Variants in PRR16 observed in about 807,000 individuals in gnomAD.
The protein encoded by PRR16 is protein Largen.
PRR16 carries 6 observed loss-of-function variants against 18.2 expected under a neutral mutation model. The ratio of observed to expected loss-of-function variants is 0.33; its 90% CI spans 0.18 to 0.65. The LOEUF is 0.65. Ranked by LOEUF, PRR16 falls within the 30% of genes least tolerant of loss-of-function variation. The pLI is 0.74. For missense variants in PRR16, 412 were observed against 376.6 expected (o/e 1.09, Z -0.78); for synonymous variants, 151 against 147.8 (o/e 1.02, Z -0.16).
intron 1 of PRR16, among the ~76,000 whole-genome samples, chr5:120,597,707 A>G (rs1753858000): frequency 6.6e-6 from 1 of 151,760 alleles, no homozygotes; most frequent in South Asian, 2.1e-4. Context: ...TTCTGTAACT[A>G]TAGTGTCTGG....
the PRR16 span, among the ~76,000 whole-genome samples, chr5:120,706,316 T>TTTCA: frequency 7.7e-6 from 1 of 130,234 alleles, no homozygotes; most frequent in Non-Finnish European, 1.6e-5. Flanking sequence ...TCTTGATTTT[T>TTTCA]GTCAGTTTGA....
At chr5:120,621,687 G>A (rs775321715) in intron 1 of PRR16, among the ~76,000 whole-genome samples, 2 of 152,088 alleles carry the variant, frequency 1.3e-5, no homozygotes, top group African/African-American at 2.4e-5. Flanking sequence ...ATCTGATGGT[G>A]TTGTAAGGGG....
intron 1 of PRR16, among the ~76,000 whole-genome samples, chr5:120,540,243 A>G (rs923882822): frequency 6.6e-6 from 1 of 152,312 alleles, no homozygotes; most frequent in African/African-American, 2.4e-5. Context: ...AATTCTCAGC[A>G]GGGCAATTGC....
intron 1 of PRR16, among the ~76,000 whole-genome samples, chr5:120,663,475 A>T (rs1756247423): frequency 6.6e-6 from 1 of 152,130 alleles, no homozygotes; most frequent in Non-Finnish European, 1.5e-5. Context: ...ATTATAAGTC[A>T]TTTTATTTCC....
At chr5:120,657,361 TCA>T (rs1756017732) in intron 1 of PRR16, among the ~76,000 whole-genome samples, 1 of 151,836 alleles carries the variant, frequency 6.6e-6, no homozygotes, top group Non-Finnish European at 1.5e-5. Context: ...TTGAGCCAGC[TCA>T]TAGGGGGCTT....
intron 1 of PRR16, among the ~76,000 whole-genome samples, chr5:120,656,276 G>A (rs546930455): frequency 6.6e-5 from 10 of 151,886 alleles, no homozygotes; most frequent in African/African-American, 7.2e-5. Context: ...TAGTTAGCTT[G>A]TATAGCTAAC....
At position 120,668,584 on chromosome 5, in the gene PRR16, A is replaced by G. The variant is rs548649260; in HGVS notation, c.160-17370A>G. ...TTACATTTTGGCATGATTTTGCAGCAGCTGGTACCGGTTGTTCCTTTCCAT... is the reference window on the plus strand; with the variant it reads ...TTACATTTTGGCATGATTTTGCAGCGGCTGGTACCGGTTGTTCCTTTCCAT... On this transcript the variant is annotated intron_variant, in intron 1 of 1. Transcript: ENST00000407149. 2.3e-3 allele frequency among the ~76,000 whole-genome samples: 352 copies of G among 152,230 alleles called. 2 individuals are homozygous for G. Among genetic ancestry groups the G allele is most frequent in the African/African-American group, 8.0e-3 (331 of 41,548 alleles).
At chr5:120,716,716 A>C in the PRR16 span, among the ~76,000 whole-genome samples, 10 of 152,028 alleles carry the variant, frequency 6.6e-5, no homozygotes, top group Admixed American at 1.3e-4. Context: ...CTCTTCTAAA[A>C]ATACAAAAAT....
the PRR16 span, among the ~76,000 whole-genome samples, chr5:120,753,821 TTTATATATAATATATATAACTTATATA>T: frequency 7.2e-6 from 1 of 138,050 alleles, no homozygotes; most frequent in Non-Finnish European, 1.5e-5. Context: ...TTATTATATA[TTTATATATAATATATATAACTTATATA>T]TTATATATAA....
chr5:120,679,221 T>C (rs968479477), intron 1 of PRR16, among the ~76,000 whole-genome samples: 1 of 152,130 alleles, frequency 6.6e-6, no homozygotes, highest in African/African-American at 2.4e-5. Flanking sequence ...CCACAATTAT[T>C]TGGACAAATG....
At chr5:120,527,421 G>T (rs893751347) in intron 1 of PRR16, among the ~76,000 whole-genome samples, 2 of 152,146 alleles carry the variant, frequency 1.3e-5, no homozygotes, top group Admixed American at 1.3e-4. Flanking sequence ...CAGGTGGCAG[G>T]CCTGATTTGG....
chr5:120,499,536 A>C (rs2112840719), intron 1 of PRR16, among the ~76,000 whole-genome samples: 1 of 152,092 alleles, frequency 6.6e-6, no homozygotes, highest in East Asian at 1.9e-4. Context: ...CTGTTCTGCT[A>C]TTGATTCTAT....
At chr5:120,472,742 A>G (rs982242657) in intron 1 of PRR16, among the ~76,000 whole-genome samples, 3 of 152,180 alleles carry the variant, frequency 2.0e-5, no homozygotes, top group Admixed American at 6.5e-5. Context: ...AATGAGTGGC[A>G]TATCAACAGT....
At chr5:120,742,069 A>G in the PRR16 span, among the ~76,000 whole-genome samples, 1 of 151,954 alleles carries the variant, frequency 6.6e-6, no homozygotes, top group Non-Finnish European at 1.5e-5. Flanking sequence ...ATACATCTTC[A>G]TTTATTTACA....
chr5:120,773,078 T>C, the PRR16 span, among the ~76,000 whole-genome samples: 6 of 152,096 alleles, frequency 3.9e-5, no homozygotes, highest in South Asian at 1.0e-3. Flanking sequence ...AGGAATGTAA[T>C]CTGTGTGTGG....
the PRR16 span, among the ~76,000 whole-genome samples, chr5:120,757,861 T>C: frequency 3.4e-4 from 52 of 152,148 alleles, no homozygotes; most frequent in African/African-American, 1.0e-3. Context: ...AATAGAAAAA[T>C]GGAACTATAG....
the PRR16 span, among the ~76,000 whole-genome samples, chr5:120,732,994 G>T: frequency 6.6e-6 from 1 of 152,144 alleles, no homozygotes; most frequent in African/African-American, 2.4e-5. Flanking sequence ...GACAACTTTT[G>T]CTGTTGGAAC....
At chr5:120,557,227 A>G (rs971562476) in intron 1 of PRR16, among the ~76,000 whole-genome samples, 1 of 151,910 alleles carries the variant, frequency 6.6e-6, no homozygotes, top group South Asian at 2.1e-4. Context: ...AGGTATTGAT[A>G]TATTTTTCAT....
intron 1 of PRR16, among the ~76,000 whole-genome samples, chr5:120,599,727 A>G (rs1753921700): frequency 6.6e-6 from 1 of 151,610 alleles, no homozygotes; most frequent in Non-Finnish European, 1.5e-5. Context: ...TTCCCCATCT[A>G]GTGATTAGTG....
Sources: gnomAD v4.1 joint callset for allele counts (sites outside exome capture counted in the v4.1 genomes callset) on GRCh38, gnomAD v4.1.1 for gene constraint, MANE v1.5 for transcripts, NCBI Gene and HGNC (gene_info 2026-07-23, HGNC 2026-07-21) for gene names.